EFCAB6: variants seen among roughly 807,000 people sequenced by gnomAD.
EFCAB6 encodes EF-hand calcium binding domain 6, also known as EF-hand calcium-binding domain-containing protein 6.
In EFCAB6, 156 loss-of-function variants were observed where a neutral mutation model predicts 169.8. That is an observed-to-expected ratio of 0.92 (90% CI 0.81 to 1.05). The LOEUF (loss-of-function observed/expected upper bound fraction) is 1.05. Ranked by LOEUF, EFCAB6 falls within the 50% of genes least tolerant of loss-of-function variation. The pLI is 0.00. For synonymous variants in EFCAB6, 698 were observed against 676.4 expected (o/e 1.03, Z -0.50); for missense variants, 1,800 against 1,829.1 (o/e 0.98, Z 0.29).
chr22:43,544,941 T>C (rs1368963925), intron 27 of EFCAB6, among the ~76,000 whole-genome samples: 2 of 151,518 alleles, frequency 1.3e-5, no homozygotes, highest in Non-Finnish European at 2.9e-5. Context: ...GTCAACATGG[T>C]GAAACCCCGT....
rs1569207678 is a variant in EFCAB6 at position 43,589,320 on chromosome 22, A to AAAAAAAAAAAAAAAG, written c.3032+753_3032+754insCTTTTTTTTTTTTTT. ...AAAAAAAAAAAAAAAAAAAAAAAAA[A>AAAAAAAAAAAAAAAG]AGAAGTACAGGTACATTCACTATCA... On this transcript the variant is annotated intron_variant, in intron 24 of 31. Coordinates refer to ENST00000262726, the MANE Select transcript of EFCAB6 (RefSeq NM_022785.4). Among the ~76,000 whole-genome samples the AAAAAAAAAAAAAAAG allele has an allele frequency of 4.7e-4, 28 of 59,772 alleles. 2 individuals carry two copies. Among genetic ancestry groups the AAAAAAAAAAAAAAAG allele is most frequent in the Non-Finnish European group, 7.6e-4 (21 of 27,634 alleles). 39.2% of individuals were successfully genotyped at this position (59,772 alleles called of 152,430 possible).
At chr22:43,666,965 AT>A in intron 17 of EFCAB6, 138 bp downstream of exon 17, 3 of 1,159,728 alleles carry the variant, frequency 2.6e-6, no homozygotes, top group Non-Finnish European at 3.5e-6. Flanking sequence ...AAAAAAAAAA[AT>A]CCTTTTAAAT....
intron 18 of EFCAB6, 32 bp downstream of exon 18, chr22:43,635,069 AT>A (rs2055282440): frequency 1.3e-6 from 2 of 1,580,048 alleles, no homozygotes; most frequent in Non-Finnish European, 1.7e-6. Flanking sequence ...CCCAGGACGC[AT>A]CCCACAGGGT....
At chr22:43,754,485 CT>C (rs2147853758) in intron 6 of EFCAB6, among the ~76,000 whole-genome samples, 1 of 152,318 alleles carries the variant, frequency 6.6e-6, no homozygotes, top group South Asian at 2.1e-4. Flanking sequence ...CTCCAGTGCT[CT>C]GGTACTAAGC....
Position 43,795,890 on chromosome 22 carries a change from C to T in EFCAB6, c.-8+13105G>A, listed in dbSNP as rs1049184281. On this transcript the variant is annotated intron_variant, in intron 2 of 31. Transcript: ENST00000262726. The surrounding 1 kb of genome is among the most constrained non-coding windows in gnomAD (Gnocchi z 4.2). ...CCATACACAGTCACCACACACAATA[C>T]ACACTCACCACACATACACCACACA... Among the ~76,000 whole-genome samples, 1 of 151,032 alleles carries T rather than the reference C, an allele frequency of 6.6e-6. No homozygotes were observed. The highest frequency in any genetic ancestry group is 2.4e-5 in the African/African-American group (1 of 40,968).
At chr22:43,782,474 A>G in intron 2 of EFCAB6, 149 bp from the exon 3 acceptor site, 1 of 662,198 alleles carries the variant, frequency 1.5e-6, no homozygotes, top group Non-Finnish European at 2.4e-6. Flanking sequence ...GTTTCAGACT[A>G]TTCTTAAAGT....
chr22:43,759,603 G>A (rs2061081057), intron 5 of EFCAB6: 1 of 152,116 alleles, frequency 6.6e-6, no homozygotes, highest in Non-Finnish European at 1.5e-5. Context: ...AGATGATGAT[G>A]TTTCTACCAT....
chr22:43,796,362 A>C (rs1043124904), intron 2 of EFCAB6, among the ~76,000 whole-genome samples: 1 of 152,202 alleles, frequency 6.6e-6, no homozygotes, highest in Admixed American at 6.5e-5. Flanking sequence ...AAATTAAGTA[A>C]TTGTGTTTTG....
At chr22:43,805,253 T>C (rs1159349891) in intron 2 of EFCAB6, among the ~76,000 whole-genome samples, 1 of 152,228 alleles carries the variant, frequency 6.6e-6, no homozygotes, top group Non-Finnish European at 1.5e-5. Context: ...TTCATGCTCA[T>C]GGATTGAAAG....
chr22:43,781,164 C>T (rs772421975), intron 3 of EFCAB6, among the ~76,000 whole-genome samples: 4 of 152,206 alleles, frequency 2.6e-5, no homozygotes, highest in South Asian at 2.1e-4. Context: ...TTAAAGGATA[C>T]GTATTTTTGG....
chr22:43,759,238 C>A (rs1373311042), intron 5 of EFCAB6: 1 of 152,216 alleles, frequency 6.6e-6, no homozygotes, highest in African/African-American at 2.4e-5. Flanking sequence ...ATCTCTGATA[C>A]CTAGACTGCC....
chr22:43,612,242 A>C (rs2053364950), intron 21 of EFCAB6, among the ~76,000 whole-genome samples: 1 of 152,222 alleles, frequency 6.6e-6, no homozygotes, highest in South Asian at 2.1e-4. Flanking sequence ...CAACCTAAGC[A>C]ATACCATTCT....
At chr22:43,664,260 G>C (rs1004619227) in intron 17 of EFCAB6, among the ~76,000 whole-genome samples, 1 of 152,138 alleles carries the variant, frequency 6.6e-6, no homozygotes, top group Non-Finnish European at 1.5e-5. Context: ...CAGTCCTCAG[G>C]GTGGCATTCA....
At chr22:43,590,016 A>C in intron 24 of EFCAB6, 58 bp downstream of exon 24, 1 of 1,570,900 alleles carries the variant, frequency 6.4e-7, no homozygotes, top group African/African-American at 1.4e-5. Flanking sequence ...AACAAAGGCA[A>C]TTCTCCAGTA....
intron 17 of EFCAB6, among the ~76,000 whole-genome samples, chr22:43,648,980 G>A (rs902043975): frequency 1.3e-5 from 2 of 152,172 alleles, no homozygotes; most frequent in Non-Finnish European, 1.5e-5. Flanking sequence ...TGTGACTACA[G>A]GGGAAAGAGT....
In EFCAB6 at chr22:43,711,574, G is replaced by A; in HGVS notation, c.932C>T (p.Pro311Leu). The A allele has an allele frequency of 6.2e-7, 1 of 1,603,240 alleles. No individual in the cohort carries two copies. The highest frequency in any genetic ancestry group is 8.5e-7 in the Non-Finnish European group (1 of 1,177,524). Residue 311 changes from proline (P) to leucine (L), a missense_variant, in exon 10 of 32, where the codon CCC becomes CTC. Pro to Leu is a moderately conservative substitution (Grantham distance 98, BLOSUM62 -3). Coordinates refer to ENST00000262726, the MANE Select transcript of EFCAB6 (RefSeq NM_022785.4). ...AAAAGACACGTAGCCACCTTTACAG[G>A]GGTCCCCTGCACTGAGGGCCTTTTC... ...KVEKALSAGD[P>L]CKGGYVSFNY...
rs981255573 is a variant in EFCAB6, at chr22:43,686,194, G to A, written c.1142+1277C>T. Among the ~76,000 whole-genome samples the A allele has an allele frequency of 2.6e-5, 4 of 152,130 alleles. No homozygotes were observed. The South Asian group carries it at 8.3e-4, about 32-fold the overall frequency. ...GGGGTTTCTCCATGTTGGTCAGGCT[G>A]GTCTCGAACTCCTGACCTCAGGTGA... On this transcript the variant is annotated intron_variant, in intron 11 of 31. Transcript: ENST00000262726.
chr22:43,730,267 C>A (rs60686881), intron 8 of EFCAB6, among the ~76,000 whole-genome samples: 5 of 3,198 alleles, frequency 1.6e-3, no homozygotes, highest in Non-Finnish European at 1.4e-3. Context: ...GGAAAGGGAG[C>A]GAGGGAGGGA....
At chr22:43,688,244 C>T (rs2058275437) in intron 10 of EFCAB6, among the ~76,000 whole-genome samples, 1 of 152,208 alleles carries the variant, frequency 6.6e-6, no homozygotes, top group Admixed American at 6.5e-5. Context: ...CCCCAGATTC[C>T]CCAGAAGGAA....
Sources: allele counts gnomAD v4.1 joint callset (sites outside exome capture counted in the v4.1 genomes callset), GRCh38; gene constraint gnomAD v4.1.1; non-coding constraint Gnocchi (gnomAD v3.1); transcripts MANE v1.5; gene names NCBI Gene and HGNC (gene_info 2026-07-23, HGNC 2026-07-21).